The following MACROD1 variants were observed in gnomAD, a reference collection of about 807,000 sequenced individuals.
MACROD1 encodes mono-ADP ribosylhydrolase 1, also known as ADP-ribose glycohydrolase MACROD1.
In MACROD1, 31 loss-of-function variants were observed where a neutral mutation model predicts 41.4. That is an observed-to-expected ratio of 0.75 (90% CI 0.56 to 1.01). MACROD1 has a LOEUF of 1.01. MACROD1 is among the 50% of genes least tolerant of loss of function. The probability of loss-of-function intolerance (pLI) is 0.00; values close to 1 mark genes in which losing one functional copy is unlikely to be tolerated. For missense variants in MACROD1, 473 were observed against 460.0 expected (o/e 1.03, Z -0.26); for synonymous variants, 252 against 203.4 (o/e 1.24, Z -2.03).
chr11:64,077,803 G>A (rs1033152697), intron 3 of MACROD1, among the ~76,000 whole-genome samples: 5 of 152,214 alleles, frequency 3.3e-5, no homozygotes, highest in South Asian at 2.1e-4. Context: ...GCCTCCGGCC[G>A]CCGCTCGGAC....
At chr11:64,157,675 A>G (rs2134723119) in intron 1 of MACROD1, among the ~76,000 whole-genome samples, 1 of 152,248 alleles carries the variant, frequency 6.6e-6, no homozygotes, top group South Asian at 2.1e-4. Context: ...CCAGAACCAT[A>G]AAGTGCAGCG....
At chr11:64,074,866 G>C (rs960454713) in intron 3 of MACROD1, among the ~76,000 whole-genome samples, 13 of 152,210 alleles carry the variant, frequency 8.5e-5, no homozygotes, top group African/African-American at 3.1e-4. Context: ...CTCACTCCAG[G>C]ATCCTGAACA....
In MACROD1 at chr11:64,120,083, G is replaced by A. The variant is rs2134632328; in HGVS notation, c.517+31156C>T. Among the ~76,000 whole-genome samples the A allele has an allele frequency of 6.6e-6, 1 of 152,332 alleles. No homozygotes were observed. Among genetic ancestry groups the A allele is most frequent in the South Asian group, 2.1e-4 (1 of 4,828 alleles). ...CCTCCACCACCGTGCGAAAAGCAAA[G>A]GCAGAAGCAGCAGCGGGGCAGGGGT... On this transcript the variant is annotated intron_variant, in intron 3 of 10. Coordinates refer to ENST00000255681, the MANE Select transcript of MACROD1 (RefSeq NM_014067.4). This position sits in a 1 kb window ranked among gnomAD's most constrained non-coding sequence, Gnocchi z 4.5.
At chr11:64,086,154 A>G (rs1944390914) in intron 3 of MACROD1, among the ~76,000 whole-genome samples, 1 of 152,156 alleles carries the variant, frequency 6.6e-6, no homozygotes, top group Non-Finnish European at 1.5e-5. Flanking sequence ...ACAGCCATTC[A>G]GGGGAAGCCG....
intron 3 of MACROD1, among the ~76,000 whole-genome samples, chr11:64,069,873 G>A (rs773603283): frequency 6.6e-6 from 1 of 152,200 alleles, no homozygotes; most frequent in East Asian, 1.9e-4. Flanking sequence ...AAATAGCCAC[G>A]ATGAGGATTT....
intron 4 of MACROD1, among the ~76,000 whole-genome samples, chr11:64,013,397 G>C (rs1280820295): frequency 6.6e-6 from 1 of 152,234 alleles, no homozygotes; most frequent in Non-Finnish European, 1.5e-5. Context: ...CAGCCGCGTG[G>C]ACAACTGGAG....
At chr11:64,060,980 G>T (rs376305498) in intron 3 of MACROD1, among the ~76,000 whole-genome samples, 1 of 151,920 alleles carries the variant, frequency 6.6e-6, no homozygotes, top group East Asian at 1.9e-4. Flanking sequence ...CCAGGCGACC[G>T]GGCGGGCCGG....
At chr11:64,055,886 C>G (rs1943776460) in intron 3 of MACROD1, among the ~76,000 whole-genome samples, 1 of 152,176 alleles carries the variant, frequency 6.6e-6, no homozygotes. Context: ...CCTTCCAGGG[C>G]TTTTGGCAGG....
chr11:64,092,605 C>G (rs1944509545), intron 3 of MACROD1, among the ~76,000 whole-genome samples: 1 of 152,274 alleles, frequency 6.6e-6, no homozygotes, highest in African/African-American at 2.4e-5. Flanking sequence ...CACTCCCACT[C>G]TCATTCAGCC....
At chr11:64,123,011 G>C (rs1230541714) in intron 3 of MACROD1, among the ~76,000 whole-genome samples, 1 of 152,242 alleles carries the variant, frequency 6.6e-6, no homozygotes, top group Non-Finnish European at 1.5e-5. Flanking sequence ...CAGAGAGGAG[G>C]CTGGGGCTTC....
At chr11:63,998,812 G>T in intron 10 of MACROD1, 26 bp downstream of exon 10, 1 of 1,504,880 alleles carries the variant, frequency 6.6e-7, no homozygotes. Flanking sequence ...GGCCGGGGCC[G>T]CCGCACGGGG....
intron 3 of MACROD1, among the ~76,000 whole-genome samples, chr11:64,085,470 A>T (rs984113669): frequency 6.6e-6 from 1 of 152,206 alleles, no homozygotes; most frequent in Non-Finnish European, 1.5e-5. Flanking sequence ...GGACCAGGCC[A>T]TGTGTCTGGG....
rs1251296062 is a variant in MACROD1 at position 64,027,905 on chromosome 11, A to C, written c.518-12624T>G. ...CTGAATTGTCACTTTGCTTTTTAGA[A>C]TAGGAAGTGTTGCACCAAGGCCAAA... On this transcript the variant is annotated intron_variant, in intron 3 of 10. Coordinates refer to ENST00000255681, the MANE Select transcript of MACROD1 (RefSeq NM_014067.4). Among the ~76,000 whole-genome samples the C allele has an allele frequency of 2.6e-5, 4 of 152,254 alleles. No homozygotes were observed. The East Asian group carries it at 7.7e-4, about 29-fold the overall frequency.
intron 3 of MACROD1, among the ~76,000 whole-genome samples, chr11:64,135,303 C>A (rs905917770): frequency 6.6e-6 from 1 of 152,220 alleles, no homozygotes; most frequent in Admixed American, 6.5e-5. Context: ...AATTCCAGGC[C>A]CCCTCCCGGT....
intron 3 of MACROD1, among the ~76,000 whole-genome samples, chr11:64,055,793 A>G (rs1401886993): frequency 6.6e-6 from 1 of 152,006 alleles, no homozygotes; most frequent in Non-Finnish European, 1.5e-5. Context: ...CATACAGAGG[A>G]TGCTGGTTTG....
intron 3 of MACROD1, among the ~76,000 whole-genome samples, chr11:64,063,355 C>T (rs1227957863): frequency 4.6e-5 from 7 of 152,148 alleles, no homozygotes; most frequent in Non-Finnish European, 1.5e-5. Flanking sequence ...AGGTGCCACA[C>T]ACGTGTCAAC....
At chr11:64,039,022 T>C (rs1943435070) in intron 3 of MACROD1, among the ~76,000 whole-genome samples, 1 of 152,170 alleles carries the variant, frequency 6.6e-6, no homozygotes, top group Non-Finnish European at 1.5e-5. Context: ...TCGTTCACTG[T>C]GGGCCAAGGG....
rs941577950 is a variant in MACROD1, at chr11:64,082,537, G to A, written c.518-67256C>T. ...GGCTCGGTGCCTAACGGTGGTGGCCGTGGGAGTCAGAGCTCCAGGCGGAAG... is the reference window on the plus strand; with the variant it reads ...GGCTCGGTGCCTAACGGTGGTGGCCATGGGAGTCAGAGCTCCAGGCGGAAG... On this transcript the variant is annotated intron_variant, in intron 3 of 10. Coordinates refer to ENST00000255681, the MANE Select transcript of MACROD1 (RefSeq NM_014067.4). This position sits in a 1 kb window ranked among gnomAD's most constrained non-coding sequence, Gnocchi z 4.5. Among the ~76,000 whole-genome samples the A allele has an allele frequency of 3.9e-5, 6 of 152,230 alleles. No homozygotes were observed. The highest frequency in any genetic ancestry group is 2.6e-4 in the Admixed American group (4 of 15,304).
chr11:64,073,326 C>T (rs561523935), intron 3 of MACROD1, among the ~76,000 whole-genome samples: 6 of 152,328 alleles, frequency 3.9e-5, no homozygotes, highest in Admixed American at 3.9e-4. Flanking sequence ...AGCAGACTCC[C>T]ACTCCCCCAT....
Sources: allele counts gnomAD v4.1 joint callset (sites outside exome capture counted in the v4.1 genomes callset), GRCh38; gene constraint gnomAD v4.1.1; non-coding constraint Gnocchi (gnomAD v3.1); transcripts MANE v1.5; gene names NCBI Gene and HGNC (gene_info 2026-07-23, HGNC 2026-07-21).